The following PTP4A3 variants were observed in gnomAD, a reference collection of about 807,000 sequenced individuals.
The protein encoded by PTP4A3 is protein tyrosine phosphatase 4A3.
In PTP4A3, 9 loss-of-function variants were observed where a neutral mutation model predicts 15.2. The ratio of observed to expected loss-of-function variants is 0.59; its 90% CI spans 0.36 to 1.03. PTP4A3 has a LOEUF of 1.03. Ranked by LOEUF, PTP4A3 falls within the 50% of genes least tolerant of loss-of-function variation. The pLI is 0.02. For synonymous variants in PTP4A3, 95 were observed against 102.0 expected (o/e 0.93, Z 0.41); for missense variants, 234 against 252.1 (o/e 0.93, Z 0.49).
intron 1 of PTP4A3, among the ~76,000 whole-genome samples, chr8:141,408,549 C>T (rs1217435526): frequency 6.7e-6 from 1 of 148,656 alleles, no homozygotes; most frequent in Non-Finnish European, 1.5e-5. Flanking sequence ...AACCCGGGGG[C>T]GGAGGTTGCA....
At chr8:141,398,002 G>A (rs1173625500) in intron 1 of PTP4A3, among the ~76,000 whole-genome samples, 1 of 152,224 alleles carries the variant, frequency 6.6e-6, no homozygotes, top group African/African-American at 2.4e-5. Flanking sequence ...GGCGGAGCAG[G>A]GAGGGAGGCG....
At chr8:141,426,391 G>A (rs1833578744) in intron 3 of PTP4A3, 1 of 971,154 alleles carries the variant, frequency 1.0e-6, no homozygotes, top group African/African-American at 1.8e-5. Context: ...ATGGGCCGGG[G>A]CCCGGTGGAA....
chr8:141,400,036 T>C (rs991711464), intron 1 of PTP4A3, among the ~76,000 whole-genome samples: 29 of 152,326 alleles, frequency 1.9e-4, no homozygotes, highest in East Asian at 9.6e-4. Context: ...GCCTCCTGAG[T>C]AGCTGGGACC....
At chr8:141,405,577 C>G (rs1316399887) in intron 1 of PTP4A3, among the ~76,000 whole-genome samples, 1 of 152,224 alleles carries the variant, frequency 6.6e-6, no homozygotes, top group African/African-American at 2.4e-5. Context: ...CTTACTCCCA[C>G]TCACAGGACA....
chr8:141,421,179 C>T (rs1214013767), intron 1 of PTP4A3, among the ~76,000 whole-genome samples: 1 of 152,174 alleles, frequency 6.6e-6, no homozygotes, highest in African/African-American at 2.4e-5. Flanking sequence ...GCCTCTGGGC[C>T]CTGGGTCAGT....
At chr8:141,400,689 G>A (rs1308660745) in intron 1 of PTP4A3, among the ~76,000 whole-genome samples, 7 of 152,134 alleles carry the variant, frequency 4.6e-5, no homozygotes, top group South Asian at 2.1e-4. Flanking sequence ...GTTGGTGCCC[G>A]GCTGTGTGTC....
chr8:141,399,954 T>C (rs2129819630), intron 1 of PTP4A3, among the ~76,000 whole-genome samples: 1 of 152,364 alleles, frequency 6.6e-6, no homozygotes, highest in East Asian at 1.9e-4. Context: ...TTGTCCAGGC[T>C]GGAATACAGT....
In PTP4A3 at chr8:141,425,452, C is replaced by T. The variant is rs964157269; in HGVS notation, c.198+312C>T. ...GGTGGGCTCCTCTGCCTGTCTCAGG[C>T]CCTCCTCTGGGCCTGTCTTGGGTGC... On this transcript the variant is annotated intron_variant, in intron 3 of 5. Coordinates refer to ENST00000521578, the MANE Select transcript of PTP4A3 (RefSeq NM_032611.3). This position sits in a 1 kb window ranked among gnomAD's most constrained non-coding sequence, Gnocchi z 4.2. 2.0e-5 allele frequency among the ~76,000 whole-genome samples: 3 copies of T among 152,138 alleles called. No homozygotes were observed. The highest frequency in any genetic ancestry group is 7.2e-5 in the African/African-American group (3 of 41,440).
intron 2 of PTP4A3, among the ~76,000 whole-genome samples, chr8:141,424,460 C>T (rs898865881): frequency 8.5e-5 from 13 of 152,144 alleles, no homozygotes; most frequent in East Asian, 1.9e-4. Context: ...AGCTGATGCC[C>T]GCCCCTCTTA....
intron 1 of PTP4A3, among the ~76,000 whole-genome samples, chr8:141,407,847 G>T (rs997708498): frequency 2.0e-5 from 3 of 152,204 alleles, no homozygotes; most frequent in Non-Finnish European, 4.4e-5. Context: ...GATGACAGGC[G>T]TGAGCCACCG....
intron 1 of PTP4A3, among the ~76,000 whole-genome samples, chr8:141,419,576 T>G (rs1159410197): frequency 6.6e-6 from 1 of 150,660 alleles, no homozygotes; most frequent in African/African-American, 2.4e-5. Flanking sequence ...CACCGGTTTT[T>G]TTTTTTTTTT....
At chr8:141,412,366 G>A (rs1271348439) in intron 1 of PTP4A3, among the ~76,000 whole-genome samples, 4 of 152,180 alleles carry the variant, frequency 2.6e-5, no homozygotes, top group South Asian at 2.1e-4. Flanking sequence ...CTGGGTGGGC[G>A]TGAGGGATTG....
intron 3 of PTP4A3, among the ~76,000 whole-genome samples, chr8:141,426,186 A>C (rs907756673): frequency 6.6e-6 from 1 of 152,136 alleles, no homozygotes; most frequent in African/African-American, 2.4e-5. Flanking sequence ...CCCTGGTACC[A>C]GACAGCCCCA....
chr8:141,393,053 G>A (rs1832336819), intron 1 of PTP4A3, among the ~76,000 whole-genome samples: 1 of 152,188 alleles, frequency 6.6e-6, no homozygotes, highest in Non-Finnish European at 1.5e-5. Flanking sequence ...CAGTGTCCTC[G>A]GCTGCAGACC....
At chr8:141,403,530 G>C (rs1416409107) in intron 1 of PTP4A3, among the ~76,000 whole-genome samples, 1 of 152,202 alleles carries the variant, frequency 6.6e-6, no homozygotes, top group Non-Finnish European at 1.5e-5. Context: ...GTGAAAATTG[G>C]TTTAAGGACA....
intron 1 of PTP4A3, among the ~76,000 whole-genome samples, chr8:141,416,193 C>G (rs550253875): frequency 1.2e-4 from 18 of 152,042 alleles, no homozygotes; most frequent in African/African-American, 4.1e-4. Context: ...ACTCTGAGAC[C>G]CCTTTTATGG....
At chr8:141,412,529 C>T (rs897126920) in intron 1 of PTP4A3, among the ~76,000 whole-genome samples, 27 of 152,314 alleles carry the variant, frequency 1.8e-4, no homozygotes, top group African/African-American at 6.3e-4. Flanking sequence ...CCCTCAGGGC[C>T]CTGTCCCCTG....
intron 1 of PTP4A3, among the ~76,000 whole-genome samples, chr8:141,414,721 T>TG (rs1343443723): frequency 2.0e-5 from 3 of 148,894 alleles, no homozygotes; most frequent in South Asian, 2.2e-4. Context: ...TCTTGGTGGC[T>TG]GGGGGGAGCA....
chr8:141,425,147 C>T lies in PTP4A3; in HGVS notation c.198+7C>T, dbSNP rs369912304. The T allele has an allele frequency of 9.4e-6, 14 of 1,492,160 alleles. No homozygotes were observed. The highest frequency in any genetic ancestry group is 5.7e-5 in the African/African-American group (4 of 70,338). 92.4% of individuals were successfully genotyped at this position (1,492,160 alleles called of 1,614,324 possible). On this transcript the variant is annotated splice_region_variant and intron_variant, in intron 3 of 5. Transcript: ENST00000521578. This position sits in a 1 kb window ranked among gnomAD's most constrained non-coding sequence, Gnocchi z 4.2. ...GGATGGCATCACCGTTGTGGTGAGG[C>T]GCGCGCCACGGGGACCCTAGTCACT...
Sources: allele counts gnomAD v4.1 joint callset (sites outside exome capture counted in the v4.1 genomes callset), GRCh38; gene constraint gnomAD v4.1.1; non-coding constraint Gnocchi (gnomAD v3.1); transcripts MANE v1.5; gene names NCBI Gene and HGNC (gene_info 2026-07-23, HGNC 2026-07-21).